MACF1: variants seen among roughly 807,000 people sequenced by gnomAD.
MACF1 encodes the protein microtubule actin crosslinking factor 1.
MACF1 carries 193 observed loss-of-function variants against 854.8 expected under a neutral mutation model. The ratio of observed to expected loss-of-function variants is 0.23; its 90% CI spans 0.20 to 0.25. MACF1 has a LOEUF of 0.25. Ranked by LOEUF, MACF1 falls within the 10% of genes least tolerant of loss-of-function variation. The pLI, the probability that MACF1 is intolerant of heterozygous loss-of-function variation, is 1.00. For synonymous variants in MACF1, 3,185 were observed against 3,226.7 expected (o/e 0.99, Z 0.44); for missense variants, 7,722 against 8,929.1 (o/e 0.86, Z 5.45).
At chr1:39,318,307 G>C in intron 29 of MACF1, 146 bp from the exon 30 acceptor site, 1 of 671,796 alleles carries the variant, frequency 1.5e-6, no homozygotes, top group East Asian at 2.7e-5. Context: ...GTCTCACTCA[G>C]CCTTGCATCG....
chr1:39,338,982 A>G (rs898359836), intron 38 of MACF1, among the ~76,000 whole-genome samples: 8 of 152,232 alleles, frequency 5.3e-5, no homozygotes, highest in African/African-American at 1.9e-4. Flanking sequence ...TATTTAGGAA[A>G]AAAAACATAC....
At chr1:39,350,394 C>A (rs552193273) in intron 42 of MACF1, among the ~76,000 whole-genome samples, 1 of 152,280 alleles carries the variant, frequency 6.6e-6, no homozygotes, top group East Asian at 1.9e-4. Context: ...TAAGTGGGAC[C>A]TGTATCACAC....
At chr1:39,449,461 C>T (rs958765332) in intron 84 of MACF1, among the ~76,000 whole-genome samples, 5 of 151,300 alleles carry the variant, frequency 3.3e-5, no homozygotes, top group African/African-American at 1.2e-4. Flanking sequence ...TGCAGTGGCG[C>T]GATCTCGGCT....
chr1:39,202,407 C>T (rs1395978445), upstream of MACF1, among the ~76,000 whole-genome samples: 1 of 151,548 alleles, frequency 6.6e-6, no homozygotes, highest in East Asian at 2.0e-4. Context: ...GAGGCCAAGG[C>T]AGTTGGATCA....
At chr1:39,266,479 G>A (rs999410460) in intron 6 of MACF1, among the ~76,000 whole-genome samples, 7 of 152,138 alleles carry the variant, frequency 4.6e-5, no homozygotes, top group African/African-American at 1.7e-4. Context: ...AAGGCTTAGG[G>A]GAAGAACACC....
intron 2 of MACF1, among the ~76,000 whole-genome samples, chr1:39,092,145 A>G (rs1412603485): frequency 6.6e-6 from 1 of 152,032 alleles, no homozygotes; most frequent in Non-Finnish European, 1.5e-5. Context: ...AGCCAGGACA[A>G]CCTGAAGAGA....
chr1:39,301,411 C>T (rs1209530524), intron 22 of MACF1, among the ~76,000 whole-genome samples: 1 of 150,132 alleles, frequency 6.7e-6, no homozygotes, highest in Non-Finnish European at 1.5e-5. Flanking sequence ...CAGGCGTGAG[C>T]CACCGCGCCC....
intron 61 of MACF1, 54 bp from the exon 62 acceptor site, chr1:39,427,401 C>T: frequency 1.3e-6 from 2 of 1,501,760 alleles, no homozygotes; most frequent in South Asian, 1.2e-5. Context: ...AGTACTATTA[C>T]CAGTTTTAAT....
chr1:39,458,644 C>T, intron 90 of MACF1, 154 bp downstream of exon 90: 1 of 896,788 alleles, frequency 1.1e-6, no homozygotes, highest in Non-Finnish European at 1.7e-6. Context: ...ACTTTTCTTA[C>T]ATTGACAGAC....
intron 25 of MACF1, 102 bp from the exon 26 acceptor site, chr1:39,310,729 C>A: frequency 8.5e-7 from 1 of 1,177,712 alleles, no homozygotes; most frequent in Non-Finnish European, 1.2e-6. Flanking sequence ...TAGGATTAGG[C>A]AGAAGATTCC....
chr1:39,088,272 C>G (rs904178609), intron 2 of MACF1, among the ~76,000 whole-genome samples: 13 of 151,980 alleles, frequency 8.6e-5, no homozygotes, highest in Admixed American at 7.9e-4. Flanking sequence ...GCGCCTGGCC[C>G]GAGATGGGGT....
At position 39,184,478 on chromosome 1, in the gene MACF1, T is replaced by C. The variant is rs76195427; in HGVS notation, c.221-46704T>C. Reference sequence around the variant, plus strand: ...AAGTACCCTAGTTCCATCTAGTATTTTGGCAAGAGCTAGATCTTTGCTCAA... The same window carrying C: ...AAGTACCCTAGTTCCATCTAGTATTCTGGCAAGAGCTAGATCTTTGCTCAA... On this transcript the variant is annotated intron_variant, in intron 2 of 93. Transcript: ENST00000361689. Among the ~76,000 whole-genome samples, 925 of 152,258 alleles carry C rather than the reference T, an allele frequency of 6.1e-3. 23 individuals carry two copies. Among genetic ancestry groups the C allele is most frequent in the East Asian group, 0.052 (271 of 5,186 alleles).
At chr1:39,183,363 C>T (rs1644127803) in intron 2 of MACF1, among the ~76,000 whole-genome samples, 2 of 152,240 alleles carry the variant, frequency 1.3e-5, no homozygotes, top group Admixed American at 1.3e-4. Flanking sequence ...AACCAAATCT[C>T]AGTGAAGCTG....
chr1:39,351,085 G>C (rs1420315643), intron 43 of MACF1, 67 bp downstream of exon 43: 3 of 1,142,152 alleles, frequency 2.6e-6, no homozygotes. Context: ...ACAAATAAAA[G>C]ACAGTGAGGG....
chr1:39,248,014 CTG>C (rs1301578568), intron 2 of MACF1, among the ~76,000 whole-genome samples: 1 of 152,188 alleles, frequency 6.6e-6, no homozygotes, highest in Admixed American at 6.5e-5. Flanking sequence ...GAGCAAGACT[CTG>C]TCTCAAAAAA....
chr1:39,175,312 A>G (rs1455795235), intron 2 of MACF1, among the ~76,000 whole-genome samples: 1 of 152,270 alleles, frequency 6.6e-6, no homozygotes, highest in Non-Finnish European at 1.5e-5. Context: ...TTGGAATACC[A>G]TATGAAATAG....
chr1:39,214,451 C>T (rs1401466741), intron 1 of MACF1, among the ~76,000 whole-genome samples: 1 of 152,166 alleles, frequency 6.6e-6, no homozygotes, highest in African/African-American at 2.4e-5. Context: ...ATTTCTGGCA[C>T]AGCTGAGTTA....
intron 64 of MACF1, 65 bp downstream of exon 64, chr1:39,429,391 A>G (rs537269568): frequency 1.2e-5 from 11 of 902,618 alleles, no homozygotes; most frequent in South Asian, 7.2e-5. Flanking sequence ...ACCCAAGGAA[A>G]GGAGTTCCCT....
intron 49 of MACF1, among the ~76,000 whole-genome samples, chr1:39,363,952 C>T (rs374351099): frequency 1.3e-5 from 2 of 152,172 alleles, no homozygotes; most frequent in Admixed American, 6.5e-5. Context: ...TTGTTGTTTC[C>T]GAAATTGTGC....
Sources: allele counts gnomAD v4.1 joint callset (sites outside exome capture counted in the v4.1 genomes callset), GRCh38; gene constraint gnomAD v4.1.1; transcripts MANE v1.5; gene names NCBI Gene and HGNC (gene_info 2026-07-23, HGNC 2026-07-21).